The following OR52N4 variants were observed in gnomAD, a reference collection of about 807,000 sequenced individuals.
The protein encoded by OR52N4 is olfactory receptor 52N4.
A neutral mutation model predicts 15.0 loss-of-function variants in OR52N4; 15 were observed. That is an observed-to-expected ratio of 1.00 (90% CI 0.67 to 1.54). OR52N4 has a LOEUF of 1.54. Among genes scored for constraint, OR52N4 ranks in the 40% most tolerant of loss-of-function variants. OR52N4 has a pLI of 0.00. For synonymous variants in OR52N4, 143 were observed against 143.7 expected, an observed-to-expected ratio of 1.00 and a Z score of 0.03; for missense variants, 421 against 394.0, an observed-to-expected ratio of 1.07 and a Z score of -0.58.
chr11:5,745,001 C>A, the OR52N4 span, among the ~76,000 whole-genome samples: 1 of 152,106 alleles, frequency 6.6e-6, no homozygotes, highest in Non-Finnish European at 1.5e-5. Flanking sequence ...ATCATCTCTT[C>A]ATGATAAAAA....
the OR52N4 span, among the ~76,000 whole-genome samples, chr11:5,731,804 T>C: frequency 6.6e-6 from 1 of 152,160 alleles, no homozygotes; most frequent in Non-Finnish European, 1.5e-5. Context: ...AATCTATTTT[T>C]CTCTCTACCA....
At chr11:5,746,806 G>C in the OR52N4 span, among the ~76,000 whole-genome samples, 1 of 152,030 alleles carries the variant, frequency 6.6e-6, no homozygotes, top group Non-Finnish European at 1.5e-5. Flanking sequence ...GCACTACTCT[G>C]TATTTACCAT....
At chr11:5,729,162 C>G in the OR52N4 span, among the ~76,000 whole-genome samples, 1 of 134,644 alleles carries the variant, frequency 7.4e-6, no homozygotes, top group African/African-American at 2.8e-5. Flanking sequence ...CTCTGTCACC[C>G]AGGCTGGAGT....
chr11:5,750,071 A>AG (rs1218275840), upstream of OR52N4, among the ~76,000 whole-genome samples: 1 of 151,942 alleles, frequency 6.6e-6, no homozygotes, highest in Non-Finnish European at 1.5e-5. Flanking sequence ...TAGTGACTAA[A>AG]GGTATGCCGA....
At chr11:5,740,611 C>A in the OR52N4 span, among the ~76,000 whole-genome samples, 2 of 124,836 alleles carry the variant, frequency 1.6e-5, no homozygotes, top group Non-Finnish European at 3.5e-5. Context: ...GGATTGAGAC[C>A]AGCCTGGGCA....
chr11:5,741,906 T>G, the OR52N4 span, among the ~76,000 whole-genome samples: 167 of 152,220 alleles, frequency 1.1e-3, 1 homozygote, highest in Admixed American at 4.6e-3. Flanking sequence ...ACGCCTAACA[T>G]CTGCAATCAC....
At chr11:5,736,737 T>G in the OR52N4 span, 1 of 1,614,074 alleles carries the variant, frequency 6.2e-7, no homozygotes, top group African/African-American at 1.3e-5. Context: ...TTCCTTGGCA[T>G]CCTCTGTATG....
chr11:5,742,933 A>C, the OR52N4 span, among the ~76,000 whole-genome samples: 1 of 152,184 alleles, frequency 6.6e-6, no homozygotes, highest in Non-Finnish European at 1.5e-5. Context: ...TGCTCCACTT[A>C]AAACATATAA....
chr11:5,737,293 C>T, the OR52N4 span: 1 of 1,614,138 alleles, frequency 6.2e-7, no homozygotes, highest in Non-Finnish European at 8.5e-7. Flanking sequence ...TCATCCTTTT[C>T]TTTTACACTA....
At chr11:5,750,950 T>C (rs563245788), upstream of OR52N4, among the ~76,000 whole-genome samples, 16 of 152,134 alleles carry the variant, frequency 1.1e-4, 1 homozygote, top group South Asian at 3.3e-3. Context: ...GAGGTCCTCA[T>C]ATTAACATTG....
the OR52N4 span, among the ~76,000 whole-genome samples, chr11:5,731,620 C>A: frequency 6.6e-6 from 1 of 152,172 alleles, no homozygotes; most frequent in African/African-American, 2.4e-5. Context: ...TTATATCACA[C>A]CTACCTACAT....
upstream of OR52N4, among the ~76,000 whole-genome samples, chr11:5,749,828 G>C (rs891243394): frequency 5.3e-5 from 8 of 151,926 alleles, no homozygotes; most frequent in Admixed American, 5.3e-4. Flanking sequence ...AAGATAACAT[G>C]TATCAATATT....
At chr11:5,746,684 T>C in the OR52N4 span, among the ~76,000 whole-genome samples, 4 of 152,122 alleles carry the variant, frequency 2.6e-5, no homozygotes, top group Admixed American at 6.6e-5. Flanking sequence ...AGAAAACTTA[T>C]ATACTGTGAG....
At chr11:5,737,011 C>T in the OR52N4 span, 3 of 1,614,136 alleles carry the variant, frequency 1.9e-6, no homozygotes, top group Non-Finnish European at 2.5e-6. Context: ...GCTTATTTGT[C>T]ACTCCAGTGC....
chr11:5,741,844 G>C, the OR52N4 span, among the ~76,000 whole-genome samples: 2 of 152,026 alleles, frequency 1.3e-5, no homozygotes, highest in Non-Finnish European at 2.9e-5. Context: ...CCTGTAGGGA[G>C]TTATGGAAAT....
chr11:5,744,113 C>A, the OR52N4 span, among the ~76,000 whole-genome samples: 1 of 152,090 alleles, frequency 6.6e-6, no homozygotes, highest in Non-Finnish European at 1.5e-5. Context: ...TACAAACTAG[C>A]AAGCCTAAAA....
At chr11:5,752,196 G>A (rs1449450305), upstream of OR52N4, among the ~76,000 whole-genome samples, 1 of 152,146 alleles carries the variant, frequency 6.6e-6, no homozygotes, top group Non-Finnish European at 1.5e-5. Context: ...CTGAGGCTAG[G>A]TTAGACACAC....
the OR52N4 span, among the ~76,000 whole-genome samples, chr11:5,744,008 GAACA>G: frequency 1.3e-5 from 2 of 151,846 alleles, no homozygotes; most frequent in African/African-American, 2.4e-5. Flanking sequence ...AAGAAAATTT[GAACA>G]AACAAAATCA....
the OR52N4 span, chr11:5,737,282 C>G: frequency 1.2e-6 from 2 of 1,614,098 alleles, no homozygotes; most frequent in Non-Finnish European, 1.7e-6. Flanking sequence ...ACATCTCACC[C>G]TCATCCTTTT....
Sources: gnomAD v4.1 joint callset for allele counts (sites outside exome capture counted in the v4.1 genomes callset) on GRCh38, gnomAD v4.1.1 for gene constraint, MANE v1.5 for transcripts, NCBI Gene and HGNC (gene_info 2026-07-23, HGNC 2026-07-21) for gene names.